MSI2: variants seen among roughly 807,000 people sequenced by gnomAD.
The protein encoded by MSI2 is RNA-binding protein Musashi homolog 2.
In MSI2, 17 loss-of-function variants were observed where a neutral mutation model predicts 45.6. The ratio of observed to expected loss-of-function variants is 0.37; its 90% CI spans 0.26 to 0.56. The LOEUF (loss-of-function observed/expected upper bound fraction) is 0.56. Among genes scored for constraint, MSI2 ranks in the 20% least tolerant of loss-of-function variants. The probability of loss-of-function intolerance (pLI) is 0.77; values close to 1 mark genes in which losing one functional copy is unlikely to be tolerated. For missense variants in MSI2, 293 were observed against 444.2 expected (o/e 0.66, Z 3.06); for synonymous variants, 156 against 158.2 (o/e 0.99, Z 0.11).
rs780544010 is a variant in MSI2 at position 57,612,379 on chromosome 17, C to T, written c.538-3591C>T. Reference sequence around the variant, plus strand: ...GTCATTGAATTAAGTGGCTGAGTCTCGGGGGTGGAGGGGACTGGACAGGCT... The same window carrying T: ...GTCATTGAATTAAGTGGCTGAGTCTTGGGGGTGGAGGGGACTGGACAGGCT... On this transcript the variant is annotated intron_variant, in intron 8 of 13. Coordinates refer to ENST00000284073, the MANE Select transcript of MSI2 (RefSeq NM_138962.4). Among the ~76,000 whole-genome samples, 3 of 94,774 alleles carry T rather than the reference C, an allele frequency of 3.2e-5. 1 individual carries two copies. Among genetic ancestry groups the T allele is most frequent in the Non-Finnish European group, 7.6e-5 (3 of 39,466 alleles). The allele number at this position is 94,774 out of a possible 152,430, so 62.2% of individuals were successfully genotyped here. A position where few individuals can be genotyped will look rare whatever the true frequency, so the allele number is the denominator to read the frequency against.
At chr17:57,401,351 C>A in intron 5 of MSI2, 28 bp from the exon 6 acceptor site, 2 of 1,586,774 alleles carry the variant, frequency 1.3e-6, no homozygotes, top group Non-Finnish European at 1.7e-6. Flanking sequence ...CTGGTTAACC[C>A]ATGCCTTTCT....
intron 7 of MSI2, among the ~76,000 whole-genome samples, chr17:57,586,502 A>T (rs1431781366): frequency 2.4e-5 from 1 of 41,480 alleles, no homozygotes; most frequent in South Asian, 9.6e-4. Context: ...CCCATCAGTT[A>T]AAAAAAAAAA....
intron 2 of MSI2, 36 bp from the exon 3 acceptor site, chr17:57,257,430 T>TCC (rs1455686987): frequency 8.8e-7 from 1 of 1,139,936 alleles, no homozygotes; most frequent in South Asian, 1.4e-5. Context: ...CCACACCTTC[T>TCC]CTCCCCCCCC....
At chr17:57,520,525 G>A (rs1232538376) in intron 6 of MSI2, among the ~76,000 whole-genome samples, 1 of 152,214 alleles carries the variant, frequency 6.6e-6, no homozygotes, top group Non-Finnish European at 1.5e-5. Context: ...TAAGGTGTGG[G>A]AGCCTTCTGT....
At chr17:57,484,695 G>T (rs1156359160) in intron 6 of MSI2, among the ~76,000 whole-genome samples, 2 of 152,172 alleles carry the variant, frequency 1.3e-5, no homozygotes, top group Non-Finnish European at 2.9e-5. Context: ...TGTGGAGCAT[G>T]CCCTGTGTCC....
the MSI2 span, among the ~76,000 whole-genome samples, chr17:57,697,931 C>G: frequency 6.6e-6 from 1 of 152,118 alleles, no homozygotes; most frequent in African/African-American, 2.4e-5. Context: ...ACCTGCACCC[C>G]TCCTTCATGC....
At chr17:57,413,046 A>G (rs2084225672) in intron 6 of MSI2, among the ~76,000 whole-genome samples, 2 of 152,258 alleles carry the variant, frequency 1.3e-5, no homozygotes, top group African/African-American at 4.8e-5. Flanking sequence ...TGTTAGAAAC[A>G]TGAGCTGGTG....
At chr17:57,587,717 A>G (rs1463585125) in intron 7 of MSI2, among the ~76,000 whole-genome samples, 1 of 151,936 alleles carries the variant, frequency 6.6e-6, no homozygotes, top group Non-Finnish European at 1.5e-5. Context: ...GTAATTCCCC[A>G]CAGCCCCAGC....
intron 6 of MSI2, among the ~76,000 whole-genome samples, chr17:57,515,418 T>C (rs1208384271): frequency 6.6e-6 from 1 of 152,220 alleles, no homozygotes; most frequent in Non-Finnish European, 1.5e-5. Flanking sequence ...TTGGCCAGGC[T>C]GGTCGTGAAC....
intron 6 of MSI2, among the ~76,000 whole-genome samples, chr17:57,471,277 CTT>C (rs529448901): frequency 3.0e-3 from 252 of 83,586 alleles, no homozygotes; most frequent in South Asian, 0.011. Context: ...TTATGGAGCA[CTT>C]TTTTTTTTTT....
At chr17:57,601,020 C>G (rs1905815075) in intron 8 of MSI2, 1 of 152,204 alleles carries the variant, frequency 6.6e-6, no homozygotes, top group Admixed American at 6.5e-5. Context: ...CACATCTGTA[C>G]CCATCAGACT....
chr17:57,374,873 T>C (rs1166435579), intron 5 of MSI2, among the ~76,000 whole-genome samples: 1 of 152,208 alleles, frequency 6.6e-6, no homozygotes, highest in Non-Finnish European at 1.5e-5. Context: ...GGGATGTGCT[T>C]TAGGCAAGAT....
Position 57,256,685 on chromosome 17 carries a change from C to G in MSI2, c.-58C>G. 1 of 855,946 alleles carries G rather than the reference C, an allele frequency of 1.2e-6. No individual in the cohort carries two copies. The allele number at this position is 855,946 out of a possible 1,614,324, so 53.0% of individuals were successfully genotyped here. On this transcript the variant is annotated 5_prime_UTR_variant, in exon 1 of 14. Transcript: ENST00000284073. ...CGGGGCTCGGAGCCGGCCGCCGCTC[C>G]GCTCCGATCGCTGTGGGGCTTGGTT...
chr17:57,329,268 A>G (rs906273418), intron 5 of MSI2, among the ~76,000 whole-genome samples: 2 of 152,224 alleles, frequency 1.3e-5, no homozygotes, highest in East Asian at 1.9e-4. Flanking sequence ...AGCACCTTCA[A>G]TTACATTTGG....
At chr17:57,668,750 T>C (rs533842689) in intron 11 of MSI2, among the ~76,000 whole-genome samples, 2 of 152,134 alleles carry the variant, frequency 1.3e-5, no homozygotes, top group Non-Finnish European at 2.9e-5. Context: ...ATGCAGACAG[T>C]GAAAAAGAAA....
chr17:57,423,877 G>A (rs1261486986), intron 6 of MSI2, among the ~76,000 whole-genome samples: 4 of 152,054 alleles, frequency 2.6e-5, no homozygotes, highest in Non-Finnish European at 4.4e-5. Flanking sequence ...TCTTGCGGTA[G>A]TTACAATATT....
At chr17:57,405,890 T>C (rs2084072614) in intron 6 of MSI2, among the ~76,000 whole-genome samples, 1 of 152,202 alleles carries the variant, frequency 6.6e-6, no homozygotes. Flanking sequence ...TTGGCAGATC[T>C]ATTATGTAGG....
intron 5 of MSI2, among the ~76,000 whole-genome samples, chr17:57,366,893 G>A (rs1917237136): frequency 6.6e-6 from 1 of 152,162 alleles, no homozygotes; most frequent in African/African-American, 2.4e-5. Flanking sequence ...TTGCTAGTCT[G>A]TCGTTACCAA....
intron 13 of MSI2, 46 bp downstream of exon 13, chr17:57,677,105 T>C: frequency 3.0e-6 from 4 of 1,315,854 alleles, no homozygotes; most frequent in Non-Finnish European, 4.4e-6. Flanking sequence ...GGTGTGTCCG[T>C]ACATGTATGT....
Sources: gnomAD v4.1 joint callset for allele counts (sites outside exome capture counted in the v4.1 genomes callset) on GRCh38, gnomAD v4.1.1 for gene constraint, MANE v1.5 for transcripts, NCBI Gene and HGNC (gene_info 2026-07-23, HGNC 2026-07-21) for gene names.